The following PIGH variants were observed in gnomAD, a reference collection of about 807,000 sequenced individuals.
PIGH encodes the protein phosphatidylinositol N-acetylglucosaminyltransferase subunit H.
PIGH carries 11 observed loss-of-function variants against 20.1 expected under a neutral mutation model. The observed-to-expected ratio is 0.55, with a 90% confidence interval of 0.34 to 0.91. The LOEUF is 0.91. Among genes scored for constraint, PIGH ranks in the 40% least tolerant of loss-of-function variants. The pLI is 0.02. For synonymous variants in PIGH, 72 were observed against 93.1 expected, an observed-to-expected ratio of 0.77 and a Z score of 1.31; for missense variants, 189 against 233.6, an observed-to-expected ratio of 0.81 and a Z score of 1.24.
At chr14:67,594,407 GGGAGGCCAAGGCAGGT>G (rs2036432422) in intron 1 of PIGH, among the ~76,000 whole-genome samples, 10 of 152,280 alleles carry the variant, frequency 6.6e-5, no homozygotes, top group African/African-American at 2.4e-4. Flanking sequence ...CTAGCACTTT[GGGAGGCCAAGGCAGGT>G]GGATCACAAG....
rs1448903466 is a variant in PIGH, at chr14:67,589,687, G to C, written c.*393C>G. The C allele has an allele frequency of 2.0e-6, 2 of 992,752 alleles. No individual in the cohort carries two copies. Among genetic ancestry groups the C allele is most frequent in the Admixed American group, 5.8e-5 (1 of 17,230 alleles). 61.5% of individuals were successfully genotyped at this position (992,752 alleles called of 1,614,324 possible). ...TTGTTTTTTTCGTAACTTTACACAA[G>C]GGGTACTATTGGAAAATATAGCTTT... On this transcript the variant is annotated 3_prime_UTR_variant, in exon 4 of 4. Transcript: ENST00000216452.
intron 1 of PIGH, among the ~76,000 whole-genome samples, chr14:67,595,517 T>C (rs1330270318): frequency 6.6e-6 from 1 of 152,236 alleles, no homozygotes; most frequent in Non-Finnish European, 1.5e-5. Context: ...AATTGAACAG[T>C]GAGTGAACCA....
Position 67,589,902 on chromosome 14 carries a change from C to T in PIGH, c.*178G>A, listed in dbSNP as rs962819648. Reference sequence around the variant, plus strand: ...ACCTTACAAGGAAAACACTATAATACACGGAAATATACTGAGTTAGATTTC... The same window carrying T: ...ACCTTACAAGGAAAACACTATAATATACGGAAATATACTGAGTTAGATTTC... On this transcript the variant is annotated 3_prime_UTR_variant, in exon 4 of 4. Transcript: ENST00000216452. 8 of 1,269,478 alleles carry T rather than the reference C, an allele frequency of 6.3e-6. No homozygotes were observed. The African/African-American group carries it at 9.1e-5, about 14-fold the overall frequency. The allele number at this position is 1,269,478 out of a possible 1,614,324, so 78.6% of individuals were successfully genotyped here. A position where few individuals can be genotyped will look rare whatever the true frequency, so the allele number is the denominator to read the frequency against.
intron 1 of PIGH, among the ~76,000 whole-genome samples, chr14:67,595,085 C>T (rs908285867): frequency 5.3e-5 from 8 of 151,846 alleles, no homozygotes; most frequent in South Asian, 2.1e-4. Flanking sequence ...TGCAGTGAGC[C>T]GAGATCGCGC....
At chr14:67,592,971 G>C (rs28705873) in intron 2 of PIGH, among the ~76,000 whole-genome samples, 4,040 of 152,110 alleles carry the variant, frequency 0.027, 148 homozygotes, top group African/African-American at 0.087. Context: ...ATTTTTAGTA[G>C]AGATGGGGTT....
chr14:67,590,547 C>T (rs1439273678), intron 3 of PIGH, among the ~76,000 whole-genome samples: 1 of 152,160 alleles, frequency 6.6e-6, no homozygotes, highest in Non-Finnish European at 1.5e-5. Flanking sequence ...TTAGTAGAGA[C>T]AGGGTTTCAC....
chr14:67,592,769 T>A (rs1566777145), intron 2 of PIGH, 51 bp from the exon 3 acceptor site: 1 of 1,059,470 alleles, frequency 9.4e-7, no homozygotes, highest in East Asian at 2.5e-5. Flanking sequence ...TCATTTTGCA[T>A]TCTTTTTTTC....
Position 67,589,557 on chromosome 14 carries a change from T to C in PIGH, c.*523A>G. ...AGGTAACTGTGTGTTTTGGAAGATC[T>C]GTTTATTAACAGTAAATAAATAAGC... is the stretch of plus-strand genomic sequence containing the variant. On this transcript the variant is annotated 3_prime_UTR_variant, in exon 4 of 4. Transcript: ENST00000216452. 1 of 985,460 alleles carries C rather than the reference T, an allele frequency of 1.0e-6. No homozygotes were observed. The highest frequency in any genetic ancestry group is 1.2e-6 in the Non-Finnish European group (1 of 829,940). The allele number at this position is 985,460 out of a possible 1,614,324, so 61.0% of individuals were successfully genotyped here. A position where few individuals can be genotyped will look rare whatever the true frequency, so the allele number is the denominator to read the frequency against.
In PIGH at chr14:67,590,223, T is replaced by C. The variant is rs376904069; in HGVS notation, c.475-51A>G. The C allele has an allele frequency of 4.1e-4, 586 of 1,420,226 alleles. 4 individuals are homozygous for C. The highest frequency in any genetic ancestry group is 2.7e-3 in the Middle Eastern group (14 of 5,124). The allele number at this position is 1,420,226 out of a possible 1,614,324, so 88.0% of individuals were successfully genotyped here. ...GAGTCAAGGTGAGAATATAAGGGAGTGCAGTGGTGCTGCATCCACTTGCAA... is the reference window on the plus strand; with the variant it reads ...GAGTCAAGGTGAGAATATAAGGGAGCGCAGTGGTGCTGCATCCACTTGCAA... On this transcript the variant is annotated intron_variant, in intron 3 of 3. Coordinates refer to ENST00000216452, the MANE Select transcript of PIGH (RefSeq NM_004569.5).
intron 2 of PIGH, chr14:67,593,445 C>G (rs1008802809): frequency 3.1e-6 from 1 of 321,294 alleles, no homozygotes; most frequent in Non-Finnish European, 5.8e-6. Flanking sequence ...GAGCTGTGAT[C>G]GAGCCACTGC....
chr14:67,598,762 T>G (rs1594811562), intron 1 of PIGH, among the ~76,000 whole-genome samples: 1 of 149,160 alleles, frequency 6.7e-6, no homozygotes, highest in Non-Finnish European at 1.5e-5. Flanking sequence ...CAGGCTGGAG[T>G]GCAGTGGCGT....
Position 67,592,725 on chromosome 14 carries a change from G to C in PIGH, c.391-7C>G. 6.4e-7 allele frequency: 1 copy of C among 1,550,558 alleles called. No homozygotes were observed. On this transcript the variant is annotated splice_region_variant and splice_polypyrimidine_tract_variant and intron_variant, in intron 2 of 3. Coordinates refer to ENST00000216452, the MANE Select transcript of PIGH (RefSeq NM_004569.5). ...GGTAGTAAATCACCTTCTGCTGTAAGAAAATAAATCAAATAGCAAAGTCTA... is the reference window on the plus strand; with the variant it reads ...GGTAGTAAATCACCTTCTGCTGTAACAAAATAAATCAAATAGCAAAGTCTA...
chr14:67,593,951 T>A lies in PIGH; in HGVS notation c.182A>T (p.Asn61Ile). The A allele has an allele frequency of 6.2e-7, 1 of 1,605,768 alleles. No homozygotes were observed. Among genetic ancestry groups the A allele is most frequent in the Non-Finnish European group, 8.5e-7 (1 of 1,174,026 alleles). ...AAYGLFTLCE[N>I]SMILSAAIFI... is the part of the protein sequence containing the mutation. ...GATGGCAGCAGAGAGGATCATGCTG[T>A]TCTGAAGAGAGAGCCAGACACAGAC... Residue 61 changes from asparagine (N) to isoleucine (I), a missense_variant and splice_region_variant, in exon 2 of 4, where the codon AAC becomes ATC. Transcript: ENST00000216452.
chr14:67,596,320 T>TTTTTTTA (rs71129839), intron 1 of PIGH, among the ~76,000 whole-genome samples: 3 of 146,084 alleles, frequency 2.1e-5, no homozygotes, highest in Non-Finnish European at 4.5e-5. Flanking sequence ...TTTTTTTTTT[T>TTTTTTTA]AGTAGAGATG....
At chr14:67,594,562 G>A (rs977673779) in intron 1 of PIGH, among the ~76,000 whole-genome samples, 1 of 151,964 alleles carries the variant, frequency 6.6e-6, no homozygotes, top group African/African-American at 2.4e-5. Flanking sequence ...CAGGAGAATC[G>A]CTTGAACCTG....
intron 1 of PIGH, among the ~76,000 whole-genome samples, chr14:67,596,975 T>C (rs1191205952): frequency 1.3e-5 from 2 of 152,242 alleles, no homozygotes; most frequent in Non-Finnish European, 2.9e-5. Flanking sequence ...GCTCTGGTTT[T>C]CTTTGATGGT....
chr14:67,592,575 A>G, intron 3 of PIGH, 60 bp downstream of exon 3: 1 of 1,003,054 alleles, frequency 1.0e-6, no homozygotes, highest in Non-Finnish European at 1.6e-6. Flanking sequence ...AAAGGAATTT[A>G]CATTCCTAAT....
At chr14:67,599,223 A>G (rs1470460170) in intron 1 of PIGH, among the ~76,000 whole-genome samples, 1 of 152,228 alleles carries the variant, frequency 6.6e-6, no homozygotes, top group Non-Finnish European at 1.5e-5. Flanking sequence ...TAATACATTC[A>G]ATTCAGGCAC....
chr14:67,594,572 G>A (rs2036435240), intron 1 of PIGH, among the ~76,000 whole-genome samples: 1 of 151,640 alleles, frequency 6.6e-6, no homozygotes, highest in Non-Finnish European at 1.5e-5. Flanking sequence ...GCTTGAACCT[G>A]GGAGGCGGAG....
Sources: gnomAD v4.1 joint callset for allele counts (sites outside exome capture counted in the v4.1 genomes callset) on GRCh38, gnomAD v4.1.1 for gene constraint, MANE v1.5 for transcripts, NCBI Gene and HGNC (gene_info 2026-07-23, HGNC 2026-07-21) for gene names.